Variants in SP6 observed in about 807,000 individuals in gnomAD.
SP6 encodes the protein transcription factor Sp6.
Under a neutral mutation model 23.4 loss-of-function variants are expected in SP6, and 10 were observed. The ratio of observed to expected loss-of-function variants is 0.43; its 90% CI spans 0.26 to 0.72. The LOEUF (loss-of-function observed/expected upper bound fraction) is 0.72. Ranked by LOEUF, SP6 falls within the 30% of genes least tolerant of loss-of-function variation. SP6 has a pLI of 0.23. For missense variants in SP6, 482 were observed against 523.8 expected, an observed-to-expected ratio of 0.92 and a Z score of 0.78; for synonymous variants, 238 against 238.7, an observed-to-expected ratio of 1.00 and a Z score of 0.03.
intron 1 of SP6, among the ~76,000 whole-genome samples, chr17:47,850,351 A>C (rs1346986410): frequency 6.6e-6 from 1 of 152,132 alleles, no homozygotes; most frequent in South Asian, 2.1e-4. Flanking sequence ...GAGCTGGCTC[A>C]GTCTAGCAGA....
At position 47,848,464 on chromosome 17, in the gene SP6, G is replaced by A; in HGVS notation, c.-35C>T. 1 of 1,464,436 alleles carries A rather than the reference G, an allele frequency of 6.8e-7. No individual in the cohort carries two copies. Among genetic ancestry groups the A allele is most frequent in the South Asian group, 1.4e-5 (1 of 69,970 alleles). The allele number at this position is 1,464,436 out of a possible 1,614,324, so 90.7% of individuals were successfully genotyped here. ...CCGGGGTGGGGTGAGGGCAGGGACGGTCAGGGGCACCTCAGACGGGACCTA... is the reference window on the plus strand; with the variant it reads ...CCGGGGTGGGGTGAGGGCAGGGACGATCAGGGGCACCTCAGACGGGACCTA... On this transcript the variant is annotated 5_prime_UTR_variant, in exon 2 of 2. Transcript: ENST00000536300. The surrounding 1 kb of genome is among the most constrained non-coding windows in gnomAD (Gnocchi z 5.3).
At chr17:47,875,153 C>T in the SP6 span, among the ~76,000 whole-genome samples, 1 of 152,228 alleles carries the variant, frequency 6.6e-6, no homozygotes, top group Non-Finnish European at 1.5e-5. Context: ...TTCTTACCAC[C>T]CTCATCCCTC....
chr17:47,849,423 A>C (rs894070369), intron 1 of SP6, among the ~76,000 whole-genome samples: 5 of 152,216 alleles, frequency 3.3e-5, no homozygotes, highest in Admixed American at 6.5e-5. Context: ...GGAGGGCAAC[A>C]AGAGAAGTCA....
chr17:47,863,738 ATTTTTT>A, the SP6 span, among the ~76,000 whole-genome samples: 2 of 98,802 alleles, frequency 2.0e-5, no homozygotes, highest in African/African-American at 7.9e-5. Flanking sequence ...CTAATTTTGT[ATTTTTT>A]TTTTTTTTTT....
chr17:47,858,891 C>G (rs189829261), upstream of SP6, among the ~76,000 whole-genome samples: 399 of 148,670 alleles, frequency 2.7e-3, no homozygotes, highest in Non-Finnish European at 3.4e-3. Context: ...TCTCATGCCT[C>G]AACCTCCCAA....
rs936211227 is a variant in SP6, at chr17:47,848,358, G to A, written c.72C>T (p.Leu24=). Residue 24 remains leucine, a synonymous_variant, in exon 2 of 2, where the codon CTC becomes CTT. Coordinates refer to ENST00000536300, the MANE Select transcript of SP6 (RefSeq NM_001258248.2). The surrounding 1 kb of genome is among the most constrained non-coding windows in gnomAD (Gnocchi z 5.3). ...GGTAAGTTTGGAGAGGCTGCAGGTC[G>A]AGGCGCGGCGGGGAGGCGTGCGGCG... ...TEAPHASPPR[L]DLQPLQTYQG... The A allele has an allele frequency of 6.3e-7, 1 of 1,595,136 alleles. No individual in the cohort carries two copies. The highest frequency in any genetic ancestry group is 8.5e-7 in the Non-Finnish European group (1 of 1,170,952).
At chr17:47,870,968 C>T in the SP6 span, among the ~76,000 whole-genome samples, 3 of 152,182 alleles carry the variant, frequency 2.0e-5, no homozygotes, top group African/African-American at 7.2e-5. Flanking sequence ...CCCTAATTAG[C>T]TCCCCTAAAA....
At chr17:47,860,086 G>GC (rs1740135764), upstream of SP6, among the ~76,000 whole-genome samples, 1 of 152,068 alleles carries the variant, frequency 6.6e-6, no homozygotes, top group Admixed American at 6.5e-5. Flanking sequence ...TAGGATTGAA[G>GC]CCCCATTCCC....
At chr17:47,867,929 C>A in the SP6 span, among the ~76,000 whole-genome samples, 1 of 152,174 alleles carries the variant, frequency 6.6e-6, no homozygotes, top group Non-Finnish European at 1.5e-5. Context: ...CCCAACCACC[C>A]CTCACAGGGA....
upstream of SP6, among the ~76,000 whole-genome samples, chr17:47,860,374 C>A (rs1018456659): frequency 2.0e-5 from 3 of 152,292 alleles, no homozygotes; most frequent in Non-Finnish European, 2.9e-5. Context: ...ATGGGTAATA[C>A]AATTAGCTGT....
At chr17:47,858,765 A>AT (rs1378977037), upstream of SP6, among the ~76,000 whole-genome samples, 8 of 109,040 alleles carry the variant, frequency 7.3e-5, 2 homozygotes, top group Non-Finnish European at 1.4e-4. Context: ...CAGATGAAGC[A>AT]TCTTTTTTTT....
At chr17:47,871,386 A>G in the SP6 span, among the ~76,000 whole-genome samples, 1 of 152,162 alleles carries the variant, frequency 6.6e-6, no homozygotes, top group Non-Finnish European at 1.5e-5. Flanking sequence ...TCTCCCTCCA[A>G]GTCCAGTCTT....
upstream of SP6, among the ~76,000 whole-genome samples, chr17:47,853,961 A>G (rs73985416): frequency 0.033 from 5,055 of 152,192 alleles, 274 homozygotes; most frequent in African/African-American, 0.12. Flanking sequence ...ATGACGGCGC[A>G]TGGTCTGATG....
Position 47,847,978 on chromosome 17 carries a change from C to G in SP6, c.452G>C (p.Gly151Ala), listed in dbSNP as rs776042092. 6.3e-6 allele frequency: 10 copies of G among 1,586,678 alleles called. No individual in the cohort carries two copies. The highest frequency in any genetic ancestry group is 1.1e-5 in the South Asian group (1 of 88,008). ...GTGGTCTCCGACGTAGCCCCCCAAG[C>G]CCGCCTGAAGCGCCCCCGGGTGGCC... ...SPGHPGALQA[G>A]LGGYVGDHQL... The change falls in exon 2 of 2, where the codon GGC (glycine) becomes GCC (alanine). Residue 151 changes from glycine (G) to alanine (A), a missense_variant. Gly to Ala is a moderately conservative substitution (Grantham distance 60). Around this residue, in one of 3 missense-constraint regions of SP6, gnomAD observed 330 missense variants for 332.3 expected, o/e 0.99. Transcript: ENST00000536300.
At chr17:47,874,558 A>G in the SP6 span, among the ~76,000 whole-genome samples, 1 of 152,128 alleles carries the variant, frequency 6.6e-6, no homozygotes, top group Non-Finnish European at 1.5e-5. Context: ...AGAAAAAACA[A>G]TTCCCTTCAG....
At chr17:47,851,381 C>T (rs866662150), upstream of SP6, among the ~76,000 whole-genome samples, 1 of 152,178 alleles carries the variant, frequency 6.6e-6, no homozygotes, top group African/African-American at 2.4e-5. Flanking sequence ...GGGAGAGGGG[C>T]CCGGGTGGGG....
At chr17:47,852,292 G>A (rs531993472), upstream of SP6, among the ~76,000 whole-genome samples, 134 of 152,168 alleles carry the variant, frequency 8.8e-4, no homozygotes, top group Non-Finnish European at 1.4e-3. Flanking sequence ...TGGATGGGTC[G>A]ACATTTCCGA....
rs768561799 is a variant in SP6 at position 47,847,856 on chromosome 17, A to C, written c.574T>G (p.Leu192Val). Residue 192 changes from leucine (L) to valine (V), a missense_variant, in exon 2 of 2, where the codon TTG becomes GTG. Physicochemically the swap from Leu to Val is conservative, Grantham distance 32 (BLOSUM62 1). Coordinates refer to ENST00000536300, the MANE Select transcript of SP6 (RefSeq NM_001258248.2). ...LLGPPDGAKA[L>V]EVAAPESQGL... ...TGAGACTCCGGGGCGGCTACTTCCA[A>C]GGCCTTAGCCCCGTCGGGCGGCCCT... 4.4e-5 allele frequency: 67 copies of C among 1,523,966 alleles called. No homozygotes were observed. Among genetic ancestry groups the C allele is most frequent in the Non-Finnish European group, 5.8e-5 (66 of 1,137,714 alleles). 94.4% of individuals were successfully genotyped at this position (1,523,966 alleles called of 1,614,324 possible). A position where few individuals can be genotyped will look rare whatever the true frequency, so the allele number is the denominator to read the frequency against.
chr17:47,864,260 T>A, the SP6 span, among the ~76,000 whole-genome samples: 1 of 152,000 alleles, frequency 6.6e-6, no homozygotes, highest in South Asian at 2.1e-4. Context: ...TTTTTGTTTT[T>A]GTTTTTGTTT....
Sources: allele counts gnomAD v4.1 joint callset (sites outside exome capture counted in the v4.1 genomes callset), GRCh38; gene constraint gnomAD v4.1.1; regional missense constraint gnomAD v4.1.1; non-coding constraint Gnocchi (gnomAD v3.1); transcripts MANE v1.5; gene names NCBI Gene and HGNC (gene_info 2026-07-23, HGNC 2026-07-21).